FMN1: variants seen among roughly 807,000 people sequenced by gnomAD.
The protein encoded by FMN1 is formin 1.
A neutral mutation model predicts 132.4 loss-of-function variants in FMN1; 110 were observed. The ratio of observed to expected loss-of-function variants is 0.83; its 90% CI spans 0.71 to 0.97. The LOEUF is 0.97. Among genes scored for constraint, FMN1 ranks in the 50% least tolerant of loss-of-function variants. The probability of loss-of-function intolerance (pLI) is 0.00; values close to 1 mark genes in which losing one functional copy is unlikely to be tolerated. For synonymous variants in FMN1, 722 were observed against 651.7 expected (o/e 1.11, Z -1.64); for missense variants, 1,792 against 1,705.3 (o/e 1.05, Z -0.90).
At chr15:33,075,020 C>CA (rs57504432) in intron 5 of FMN1, among the ~76,000 whole-genome samples, 6,399 of 61,222 alleles carry the variant, frequency 0.1, 1,523 homozygotes, top group Non-Finnish European at 0.12. Flanking sequence ...GATTCCATCT[C>CA]AAAAAAAAAA....
chr15:32,777,771 A>G (rs1334992375), intron 19 of FMN1, among the ~76,000 whole-genome samples: 1 of 138,336 alleles, frequency 7.2e-6, no homozygotes, highest in African/African-American at 2.7e-5. Flanking sequence ...ACATTTATAT[A>G]CTATGTATAA....
chr15:32,810,920 C>G (rs1377322655), intron 17 of FMN1: 1 of 455,332 alleles, frequency 2.2e-6, no homozygotes. Flanking sequence ...TATTACAGCT[C>G]TACAAATATG....
chr15:32,866,046 C>T (rs1173298779), intron 16 of FMN1, among the ~76,000 whole-genome samples: 1 of 151,406 alleles, frequency 6.6e-6, no homozygotes, highest in Non-Finnish European at 1.5e-5. Flanking sequence ...AAAATTTCCC[C>T]TTTGAGGAAC....
intron 11 of FMN1, 72 bp from the exon 12 acceptor site, chr15:32,908,650 T>A: frequency 1.1e-6 from 1 of 919,970 alleles, no homozygotes; most frequent in Non-Finnish European, 1.6e-6. Context: ...GCTATGGCAG[T>A]GGGTCTCAAA....
chr15:33,034,811 C>G (rs2036114712), intron 6 of FMN1, among the ~76,000 whole-genome samples: 1 of 152,180 alleles, frequency 6.6e-6, no homozygotes, highest in South Asian at 2.1e-4. Flanking sequence ...TCCACACCCC[C>G]TGTGCCCTCA....
At chr15:33,194,478 C>T (rs1966201983) in intron 1 of FMN1, 100 bp downstream of exon 1, 1 of 152,726 alleles carries the variant, frequency 6.5e-6, no homozygotes, top group Non-Finnish European at 1.5e-5. Context: ...TGCCTCATTC[C>T]AAGAACCCTG....
At chr15:33,117,704 G>A (rs1371310648) in intron 4 of FMN1, among the ~76,000 whole-genome samples, 2 of 80,942 alleles carry the variant, frequency 2.5e-5, no homozygotes, top group Non-Finnish European at 6.8e-5. Flanking sequence ...ATTTACTAGA[G>A]ATTAACTATT....
At chr15:32,850,657 A>G (rs2058987425) in intron 17 of FMN1, among the ~76,000 whole-genome samples, 1 of 152,316 alleles carries the variant, frequency 6.6e-6, no homozygotes, top group East Asian at 1.9e-4. Context: ...ATGTTGGGAC[A>G]AGTGAGTGAA....
chr15:33,053,011 C>CA (rs2037049874), intron 6 of FMN1, among the ~76,000 whole-genome samples: 1 of 151,896 alleles, frequency 6.6e-6, no homozygotes, highest in Middle Eastern at 3.2e-3. Flanking sequence ...CCACTCCCCA[C>CA]AGTCCCTTCT....
chr15:32,809,384 T>C (rs918656681), intron 17 of FMN1, among the ~76,000 whole-genome samples: 4 of 152,174 alleles, frequency 2.6e-5, no homozygotes, highest in Non-Finnish European at 5.9e-5. Context: ...GAAGGCAAAG[T>C]GAACTATGCC....
chr15:32,991,537 G>A (rs1015711362), intron 7 of FMN1, among the ~76,000 whole-genome samples: 2 of 152,164 alleles, frequency 1.3e-5, no homozygotes, highest in Admixed American at 6.5e-5. Flanking sequence ...TGAGTCTTCT[G>A]CTGCAGCCTC....
chr15:32,940,426 T>A (rs867298047), intron 9 of FMN1, among the ~76,000 whole-genome samples: 1 of 146,168 alleles, frequency 6.8e-6, no homozygotes, highest in Non-Finnish European at 1.5e-5. Context: ...TGTGTGTGTG[T>A]GTGTGTCTGT....
chr15:33,145,026 A>T (rs1242242914), intron 4 of FMN1, among the ~76,000 whole-genome samples: 1 of 152,208 alleles, frequency 6.6e-6, no homozygotes, highest in African/African-American at 2.4e-5. Context: ...CAGGGGAGTA[A>T]TAACAAGCTA....
At chr15:32,778,507 A>G (rs1024347903) in intron 19 of FMN1, among the ~76,000 whole-genome samples, 5 of 152,032 alleles carry the variant, frequency 3.3e-5, no homozygotes, top group African/African-American at 9.7e-5. Context: ...TTGAATAGAC[A>G]TTTCTCCAAA....
At chr15:33,029,658 A>G (rs537941045) in intron 6 of FMN1, among the ~76,000 whole-genome samples, 39 of 152,302 alleles carry the variant, frequency 2.6e-4, no homozygotes, top group African/African-American at 9.4e-4. Context: ...AATGGGGTAA[A>G]GAAATCAAAG....
At chr15:32,793,961 G>C (rs866636886) in intron 19 of FMN1, among the ~76,000 whole-genome samples, 17 of 152,162 alleles carry the variant, frequency 1.1e-4, no homozygotes, top group African/African-American at 4.1e-4. Flanking sequence ...GCAGTCAGTG[G>C]CTTGTGGATT....
intron 4 of FMN1, among the ~76,000 whole-genome samples, chr15:33,092,860 A>T (rs954470120): frequency 2.6e-5 from 4 of 152,210 alleles, no homozygotes; most frequent in Admixed American, 2.6e-4. Flanking sequence ...CTTGTACTGA[A>T]AAAAATTATT....
intron 9 of FMN1, 30 bp from the exon 10 acceptor site, chr15:32,926,291 C>G (rs1376716489): frequency 1.6e-6 from 2 of 1,212,172 alleles, no homozygotes; most frequent in African/African-American, 3.1e-5. Flanking sequence ...AAAAAGAATA[C>G]AAGCTCAAAT....
chr15:33,068,773 A>G (rs147503769), intron 5 of FMN1, among the ~76,000 whole-genome samples: 115 of 152,242 alleles, frequency 7.6e-4, no homozygotes, highest in African/African-American at 2.7e-3. Flanking sequence ...TCAGTGCTCT[A>G]CAAACAGGTA....
Sources: gnomAD v4.1 joint callset for allele counts (sites outside exome capture counted in the v4.1 genomes callset) on GRCh38, gnomAD v4.1.1 for gene constraint, MANE v1.5 for transcripts, NCBI Gene and HGNC (gene_info 2026-07-23, HGNC 2026-07-21) for gene names.